The following GUK1 variants were observed in gnomAD, a reference collection of about 807,000 sequenced individuals.
GUK1 encodes guanylate kinase.
A neutral mutation model predicts 25.2 loss-of-function variants in GUK1; 18 were observed. The ratio of observed to expected loss-of-function variants is 0.71; its 90% CI spans 0.49 to 1.06. GUK1 has a LOEUF of 1.06. Among genes scored for constraint, GUK1 ranks in the 50% least tolerant of loss-of-function variants. GUK1 has a pLI of 0.00. For missense variants in GUK1, 261 were observed against 276.7 expected, an observed-to-expected ratio of 0.94 and a Z score of 0.40; for synonymous variants, 105 against 117.6, an observed-to-expected ratio of 0.89 and a Z score of 0.69.
At position 228,147,317 on chromosome 1, in the gene GUK1, G is replaced by A. The variant is rs1000806904; in HGVS notation, c.252-89G>A. The stretch of plus-strand genomic sequence containing the variant: ...CTAGGCTCAGCTGTGGGAGGAGAAC[G>A]CTGGGCCCGGGAGGGCCTGGGTGTC... On this transcript the variant is annotated intron_variant, in intron 5 of 8. Transcript: ENST00000312726. The A allele has an allele frequency of 1.3e-4, 166 of 1,296,032 alleles. 1 individual carries two copies. Among genetic ancestry groups the A allele is most frequent in the Middle Eastern group, 1.1e-3 (4 of 3,730 alleles). 80.3% of individuals were successfully genotyped at this position (1,296,032 alleles called of 1,614,324 possible). A position where few individuals can be genotyped will look rare whatever the true frequency, so the allele number is the denominator to read the frequency against.
At position 228,147,463 on chromosome 1, in the gene GUK1, C is replaced by T; in HGVS notation, c.309C>T (p.Asp103=). The T allele has an allele frequency of 1.2e-6, 2 of 1,613,036 alleles. No individual in the cohort carries two copies. The highest frequency in any genetic ancestry group is 1.7e-6 in the Non-Finnish European group (2 of 1,179,852). ...ACCGCATCTGTGTGCTGGACGTGGA[C>T]CTGCAGGGTGTGCGGAACATCAAGG... is the stretch of plus-strand genomic sequence containing the variant. Residue 103 remains aspartate (D), a synonymous_variant, in exon 6 of 9, where the codon GAC becomes GAT. Transcript: ENST00000312726.
At chr1:228,142,685 C>T (rs959728405) in intron 2 of GUK1, among the ~76,000 whole-genome samples, 8 of 151,974 alleles carry the variant, frequency 5.3e-5, no homozygotes, top group African/African-American at 9.7e-5. Context: ...TTGCTGCTTG[C>T]GAGGAAAGGG....
At position 228,140,358 on chromosome 1, in the gene GUK1, C is replaced by T. The variant is rs780809492; in HGVS notation, c.-173C>T. The T allele has an allele frequency of 1.7e-5, 26 of 1,523,012 alleles. No homozygotes were observed. Among genetic ancestry groups the T allele is most frequent in the East Asian group, 2.5e-5 (1 of 39,830 alleles). 94.3% of individuals were successfully genotyped at this position (1,523,012 alleles called of 1,614,324 possible). A position where few individuals can be genotyped will look rare whatever the true frequency, so the allele number is the denominator to read the frequency against. ...GCGGCCGCCCTGGGCCGGGCCCCAC[C>T]GGACGGTGAGTACGACAAGCGCGAT... On this transcript the variant is annotated 5_prime_UTR_variant, in exon 1 of 9. Coordinates refer to ENST00000312726, the MANE Select transcript of GUK1 (RefSeq NM_000858.7).
rs762738529 is a variant in GUK1, at chr1:228,147,449, G to A, written c.295G>A (p.Val99Met). 7 of 1,612,814 alleles carry A rather than the reference G, an allele frequency of 4.3e-6. No homozygotes were observed. The highest frequency in any genetic ancestry group is 1.7e-4 in the Middle Eastern group (1 of 5,942). ...CGTGCAGGCCATGAACCGCATCTGTGTGCTGGACGTGGACCTGCAGGGTGT... is the reference window on the plus strand; with the variant it reads ...CGTGCAGGCCATGAACCGCATCTGTATGCTGGACGTGGACCTGCAGGGTGT... Residue 99 changes from valine to methionine, a missense_variant, in exon 6 of 9, where the codon GTG (valine) becomes ATG (methionine). By Grantham distance (21) the Val-to-Met change is conservative. Coordinates refer to ENST00000312726, the MANE Select transcript of GUK1 (RefSeq NM_000858.7).
At chr1:228,142,520 G>C (rs2034118684) in intron 2 of GUK1, among the ~76,000 whole-genome samples, 1 of 151,900 alleles carries the variant, frequency 6.6e-6, no homozygotes. Flanking sequence ...TGGGAGCCTG[G>C]GCTTGGCGGG....
chr1:228,142,636 C>T lies in GUK1; in HGVS notation c.-3+1348C>T, dbSNP rs952235414. ...TGGGTTGCATCTGTTGGTGTCTGAT[C>T]GTTGTCAGGGCCCTGTGGTGAAGAG... On this transcript the variant is annotated intron_variant, in intron 2 of 8. Transcript: ENST00000312726. Among the ~76,000 whole-genome samples the T allele has an allele frequency of 4.6e-5, 7 of 152,130 alleles. No individual in the cohort carries two copies. In the South Asian group the frequency reaches 6.2e-4, roughly 14 times the overall value.
At chr1:228,140,181 G>C (rs2033962354), upstream of GUK1, 5 of 809,954 alleles carry the variant, frequency 6.2e-6, no homozygotes, top group Non-Finnish European at 9.7e-6. Flanking sequence ...CCTAAGGGGC[G>C]GGGAAGAACG....
At chr1:228,144,828 C>A (rs1007394711) in intron 2 of GUK1, 9 of 570,178 alleles carry the variant, frequency 1.6e-5, no homozygotes, top group African/African-American at 2.0e-5. Flanking sequence ...CGTGTCCAAG[C>A]TAGGATCCTG....
chr1:228,146,193 C>G, intron 4 of GUK1, 126 bp downstream of exon 3: 2 of 672,590 alleles, frequency 3.0e-6, no homozygotes, highest in South Asian at 3.5e-5. Context: ...GAGATGGGTC[C>G]TTGCCTCCAA....
intron 2 of GUK1, 155 bp from the exon 2 acceptor site, chr1:228,145,356 G>C (rs1297275457): frequency 2.7e-6 from 2 of 743,978 alleles, no homozygotes; most frequent in Non-Finnish European, 4.1e-6. Context: ...CAGAGCTCAG[G>C]GGGAAGAACA....
rs763002549 is a variant in GUK1 at position 228,141,765 on chromosome 1, C to G, written c.-3+477C>G. On this transcript the variant is annotated intron_variant, in intron 2 of 8. Transcript: ENST00000312726. Reference sequence around the variant, plus strand: ...GCAGAGACCATTCCGGAACATGGATCTGCGCCGGCGGCTCCCAGGAGACCT... The same window carrying G: ...GCAGAGACCATTCCGGAACATGGATGTGCGCCGGCGGCTCCCAGGAGACCT... 8 of 1,311,122 alleles carry G rather than the reference C, an allele frequency of 6.1e-6. No individual in the cohort carries two copies. In the East Asian group the frequency reaches 4.6e-4, roughly 75 times the overall value. 81.2% of individuals were successfully genotyped at this position (1,311,122 alleles called of 1,614,324 possible). A position where few individuals can be genotyped will look rare whatever the true frequency, so the allele number is the denominator to read the frequency against.
chr1:228,146,680 C>A (rs2034396541), intron 4 of GUK1, 162 bp from the exon 4 acceptor site: 2 of 630,008 alleles, frequency 3.2e-6, no homozygotes, highest in African/African-American at 3.6e-5. Context: ...CACTTGGCAG[C>A]ACTTGAGGGG....
chr1:228,142,827 C>T (rs1443394686), intron 2 of GUK1, among the ~76,000 whole-genome samples: 2 of 152,030 alleles, frequency 1.3e-5, no homozygotes, highest in African/African-American at 4.8e-5. Flanking sequence ...GGATGGAGAC[C>T]AGGGTCTTGT....
intron 4 of GUK1, 174 bp downstream of exon 3, chr1:228,146,241 G>A (rs2034365322): frequency 1.7e-5 from 10 of 598,914 alleles, no homozygotes; most frequent in Admixed American, 1.2e-4. Context: ...GCGCCACAGC[G>A]TGGTGTCGCC....
chr1:228,146,662 G>A (rs1012938274), intron 4 of GUK1, 180 bp from the exon 4 acceptor site: 1 of 614,360 alleles, frequency 1.6e-6, no homozygotes, highest in African/African-American at 1.8e-5. Flanking sequence ...AATGGTGTCT[G>A]GCTCAGGCAC....
intron 2 of GUK1, among the ~76,000 whole-genome samples, chr1:228,142,459 C>T (rs1185464641): frequency 6.6e-6 from 1 of 152,018 alleles, no homozygotes; most frequent in East Asian, 1.9e-4. Flanking sequence ...CCTGCGGGCC[C>T]AGCCTCACCT....
chr1:228,148,564 G>A lies in GUK1; in HGVS notation c.562-101G>A, dbSNP rs770257101. ...GGTTAGATGGGACAGTCCTACCCAA[G>A]CACTGGCATGAGACACCGAGGTCCA... On this transcript the variant is annotated intron_variant, in intron 8 of 8. Coordinates refer to ENST00000312726, the MANE Select transcript of GUK1 (RefSeq NM_000858.7). 4 of 1,374,786 alleles carry A rather than the reference G, an allele frequency of 2.9e-6. No individual in the cohort carries two copies. The African/African-American group carries it at 4.3e-5, about 15-fold the overall frequency. 85.2% of individuals were successfully genotyped at this position (1,374,786 alleles called of 1,614,324 possible).
intron 2 of GUK1, chr1:228,141,341 C>A: frequency 1.3e-6 from 1 of 773,626 alleles, no homozygotes; most frequent in Non-Finnish European, 1.6e-6. Flanking sequence ...ATGAAAGCGC[C>A]CTGGCTGCTC....
rs2230883 is a variant in GUK1, at chr1:228,148,774, G to A, written c.*77G>A. Reference sequence around the variant, plus strand: ...GCATTGAGCCACCCCCTTGGCAGGCGATACGGCAGCTCTGTGCCCTTGGCC... The same window carrying A: ...GCATTGAGCCACCCCCTTGGCAGGCAATACGGCAGCTCTGTGCCCTTGGCC... On this transcript the variant is annotated 3_prime_UTR_variant, in exon 9 of 9. Transcript: ENST00000312726. The A allele has an allele frequency of 1.9e-4, 306 of 1,608,678 alleles. 1 individual carries two copies. The African/African-American group carries it at 3.6e-3, about 19-fold the overall frequency.
Sources: allele counts gnomAD v4.1 joint callset (sites outside exome capture counted in the v4.1 genomes callset), GRCh38; gene constraint gnomAD v4.1.1; transcripts MANE v1.5; gene names NCBI Gene and HGNC (gene_info 2026-07-23, HGNC 2026-07-21).